Variants in GAD1 observed in about 807,000 individuals in gnomAD.
GAD1 encodes glutamate decarboxylase 1, also known as 67 kDa glutamic acid decarboxylase.
In GAD1, 35 loss-of-function variants were observed where a neutral mutation model predicts 75.2. The observed-to-expected ratio is 0.47, with a 90% confidence interval of 0.36 to 0.62. The LOEUF (loss-of-function observed/expected upper bound fraction) is 0.62. Ranked by LOEUF, GAD1 falls within the 20% of genes least tolerant of loss-of-function variation. GAD1 has a pLI of 0.00. For missense variants in GAD1, 490 were observed against 758.5 expected, an observed-to-expected ratio of 0.65 and a Z score of 4.16; for synonymous variants, 257 against 271.9, an observed-to-expected ratio of 0.95 and a Z score of 0.54.
chr2:170,842,119 C>T (rs1702530271), intron 6 of GAD1, among the ~76,000 whole-genome samples: 2 of 152,156 alleles, frequency 1.3e-5, no homozygotes, highest in East Asian at 1.9e-4. Flanking sequence ...TGGCCATGTT[C>T]CTGGTCCTTG....
At chr2:170,852,367 C>A in intron 12 of GAD1, 1 of 338,016 alleles carries the variant, frequency 3.0e-6, no homozygotes, top group Non-Finnish European at 5.7e-6. Context: ...CCCAAGCTAA[C>A]AAATATTAGA....
chr2:170,849,239 T>G, intron 11 of GAD1, 47 bp from the exon 12 acceptor site: 1 of 1,547,548 alleles, frequency 6.5e-7, no homozygotes, highest in Non-Finnish European at 8.9e-7. Flanking sequence ...TTTTAGATTC[T>G]TAAATGTCAC....
intron 6 of GAD1, among the ~76,000 whole-genome samples, chr2:170,840,873 A>G (rs1702502146): frequency 6.6e-6 from 1 of 152,204 alleles, no homozygotes; most frequent in Non-Finnish European, 1.5e-5. Context: ...AAAGCAAGGG[A>G]AAATTGATAT....
In GAD1 at chr2:170,833,633, G is replaced by A. The variant is rs116548740; in HGVS notation, c.547+2441G>A. ...TTTTATTATGAAAGCCCAGAATGGC[G>A]TTGTCCCTCAAATAAAAATACATGA... On this transcript the variant is annotated intron_variant, in intron 5 of 16. Transcript: ENST00000358196. Among the ~76,000 whole-genome samples the A allele has an allele frequency of 2.9e-3, 447 of 152,270 alleles. 4 individuals carry two copies. The highest frequency in any genetic ancestry group is 0.01 in the African/African-American group (421 of 41,540).
At position 170,829,578 on chromosome 2, in the gene GAD1, C is replaced by T. The variant is rs201750984; in HGVS notation, c.249C>T (p.Asp83=). 1 of 1,613,900 alleles carries T rather than the reference C, an allele frequency of 6.2e-7. No individual in the cohort carries two copies. Among genetic ancestry groups the T allele is most frequent in the African/African-American group, 1.3e-5 (1 of 75,054 alleles). The change falls in exon 4 of 17, where the codon GAC becomes GAT. Residue 83 remains aspartate (D), a synonymous_variant. Transcript: ENST00000358196. ...ACCTGCTTTCCTGTGAAAACAGCGA[C>T]CGGGATGCCCGCTTCCGGCGCACAG... ...SKNLLSCENS[D]RDARFRRTET... is the part of the protein sequence containing the mutation.
chr2:170,819,760 G>A (rs1253528117), intron 2 of GAD1, among the ~76,000 whole-genome samples: 1 of 152,134 alleles, frequency 6.6e-6, no homozygotes, highest in Non-Finnish European at 1.5e-5. Context: ...AAGGGCTTAA[G>A]AAGGATAGTG....
intron 3 of GAD1, among the ~76,000 whole-genome samples, chr2:170,826,213 G>A (rs1240088457): frequency 6.6e-6 from 1 of 152,144 alleles, no homozygotes; most frequent in Non-Finnish European, 1.5e-5. Context: ...ATTTAGAGAG[G>A]ATTCTGATTC....
intron 5 of GAD1, among the ~76,000 whole-genome samples, chr2:170,835,015 A>G (rs1427319490): frequency 6.6e-6 from 1 of 151,858 alleles, no homozygotes. Context: ...CAGATGACCC[A>G]CCCACCTTGG....
In GAD1 at chr2:170,818,996, G is replaced by A. The variant is rs929141238; in HGVS notation, c.82+323G>A. 1.3e-5 allele frequency among the ~76,000 whole-genome samples: 2 copies of A among 152,166 alleles called. No homozygotes were observed. The highest frequency in any genetic ancestry group is 2.9e-5 in the Non-Finnish European group (2 of 68,036). ...GGTTTCTTTGCTCCGTGGGACGACA[G>A]GGGTCAGCGCAGGGGGCGGAATGAA... On this transcript the variant is annotated intron_variant, in intron 2 of 16. Transcript: ENST00000358196. This position sits in a 1 kb window ranked among gnomAD's most constrained non-coding sequence, Gnocchi z 5.9.
At chr2:170,842,916 C>A (rs1208853200) in intron 6 of GAD1, among the ~76,000 whole-genome samples, 1 of 152,170 alleles carries the variant, frequency 6.6e-6, no homozygotes, top group Non-Finnish European at 1.5e-5. Flanking sequence ...TTACATTAAG[C>A]AAGCAAGAAT....
At chr2:170,845,074 C>A (rs1002858141) in intron 7 of GAD1, among the ~76,000 whole-genome samples, 1 of 152,150 alleles carries the variant, frequency 6.6e-6, no homozygotes, top group African/African-American at 2.4e-5. Context: ...GTCATTGTTT[C>A]TTTCTGTAAG....
At position 170,859,801 on chromosome 2, in the gene GAD1, G is replaced by T. The variant is rs540956386; in HGVS notation, c.1704G>T (p.Met568Ile). 1 of 1,614,070 alleles carries T rather than the reference G, an allele frequency of 6.2e-7. No individual in the cohort carries two copies. Among genetic ancestry groups the T allele is most frequent in the South Asian group, 1.1e-5 (1 of 91,066 alleles). Residue 568 changes from methionine (M) to isoleucine (I), a missense_variant, in exon 17 of 17, where the codon ATG becomes ATT. Met to Ile is a conservative substitution (Grantham distance 10). Transcript: ENST00000358196. ...PQGDKANFFRMVISNPAATQS... is the reference protein window; with the variant it reads ...PQGDKANFFRIVISNPAATQS... ...GGGACAAGGCCAACTTCTTCCGGAT[G>T]GTCATCTCCAACCCAGCCGCTACCC...
chr2:170,818,458 C>G lies in GAD1; in HGVS notation c.-63-71C>G, dbSNP rs1701772376. The G allele has an allele frequency of 1.2e-6, 1 of 823,424 alleles. No individual in the cohort carries two copies. Among genetic ancestry groups the G allele is most frequent in the Admixed American group, 1.8e-5 (1 of 56,470 alleles). The allele number at this position is 823,424 out of a possible 1,614,324, so 51.0% of individuals were successfully genotyped here. A position where few individuals can be genotyped will look rare whatever the true frequency, so the allele number is the denominator to read the frequency against. On this transcript the variant is annotated intron_variant, in intron 1 of 16. Coordinates refer to ENST00000358196, the MANE Select transcript of GAD1 (RefSeq NM_000817.3). This position sits in a 1 kb window ranked among gnomAD's most constrained non-coding sequence, Gnocchi z 5.9. ...TCTTCAAGGGGAGCCTCCGTGCCCC[C>G]GGCTGCTCAGTCCCTCCGGTGTGCA...
At chr2:170,851,370 C>T (rs995164143) in intron 12 of GAD1, among the ~76,000 whole-genome samples, 6 of 152,186 alleles carry the variant, frequency 3.9e-5, no homozygotes, top group Non-Finnish European at 7.3e-5. Flanking sequence ...TGACCTGACA[C>T]TGATGCTTTT....
intron 3 of GAD1, among the ~76,000 whole-genome samples, chr2:170,825,529 A>G (rs1702002762): frequency 6.6e-6 from 1 of 152,240 alleles, no homozygotes; most frequent in Admixed American, 6.5e-5. Context: ...TATGCCATAC[A>G]CAGCTCAAAG....
intron 3 of GAD1, among the ~76,000 whole-genome samples, chr2:170,826,567 C>CAA (rs34462898): frequency 0.21 from 23,251 of 110,478 alleles, 2,846 homozygotes; most frequent in South Asian, 0.33. Context: ...GACTCCGTCT[C>CAA]AAAAAAAAAA....
intron 5 of GAD1, among the ~76,000 whole-genome samples, chr2:170,833,495 A>T (rs1702293097): frequency 6.6e-6 from 1 of 152,250 alleles, no homozygotes; most frequent in Non-Finnish European, 1.5e-5. Context: ...GCTGCATTTT[A>T]AAAAGAGTCA....
chr2:170,845,952 C>T (rs1702621825), intron 9 of GAD1, 57 bp from the exon 10 acceptor site: 1 of 1,546,238 alleles, frequency 6.5e-7, no homozygotes, highest in African/African-American at 1.4e-5. Flanking sequence ...AAGTTTTTTT[C>T]ATGTGCAATC....
intron 6 of GAD1, among the ~76,000 whole-genome samples, chr2:170,843,421 C>A (rs1308468010): frequency 1.3e-5 from 2 of 152,116 alleles, no homozygotes; most frequent in African/African-American, 4.8e-5. Context: ...ATATTGACTT[C>A]AGAGAATTAT....
Sources: allele counts gnomAD v4.1 joint callset (sites outside exome capture counted in the v4.1 genomes callset), GRCh38; gene constraint gnomAD v4.1.1; non-coding constraint Gnocchi (gnomAD v3.1); transcripts MANE v1.5; gene names NCBI Gene and HGNC (gene_info 2026-07-23, HGNC 2026-07-21).